CACNA2D3: variants seen among roughly 807,000 people sequenced by gnomAD.
The protein encoded by CACNA2D3 is voltage-dependent calcium channel subunit alpha-2/delta-3.
A neutral mutation model predicts 160.6 loss-of-function variants in CACNA2D3; 60 were observed. The observed-to-expected ratio is 0.37, with a 90% confidence interval of 0.30 to 0.46. The LOEUF (loss-of-function observed/expected upper bound fraction) is 0.46. CACNA2D3 is among the 20% of genes least tolerant of loss of function. CACNA2D3 has a pLI of 1.00. For synonymous variants in CACNA2D3, 558 were observed against 492.9 expected (o/e 1.13, Z -1.75); for missense variants, 1,205 against 1,365.0 (o/e 0.88, Z 1.85).
intron 34 of CACNA2D3, among the ~76,000 whole-genome samples, chr3:55,016,106 C>T (rs954866815): frequency 6.6e-6 from 1 of 152,184 alleles, no homozygotes; most frequent in African/African-American, 2.4e-5. Context: ...AATGAGCTAG[C>T]ATCTTGGGGA....
chr3:54,982,660 G>A (rs903112393), intron 29 of CACNA2D3, among the ~76,000 whole-genome samples: 1 of 151,860 alleles, frequency 6.6e-6, no homozygotes, highest in African/African-American at 2.4e-5. Context: ...GATCAAGAAT[G>A]GCTACACTGT....
At chr3:54,646,238 CCTTCCTTCCTCT>C (rs1292241256) in intron 11 of CACNA2D3, among the ~76,000 whole-genome samples, 4 of 117,872 alleles carry the variant, frequency 3.4e-5, no homozygotes, top group African/African-American at 1.4e-4. Flanking sequence ...TTCCTTCCTT[CCTTCCTTCCTCT>C]CTCTCTCTCA....
At chr3:54,968,974 G>T (rs896182595) in intron 28 of CACNA2D3, among the ~76,000 whole-genome samples, 1 of 151,864 alleles carries the variant, frequency 6.6e-6, no homozygotes, top group Non-Finnish European at 1.5e-5. Context: ...TTTTCTTTTC[G>T]CTATGCTCTC....
intron 4 of CACNA2D3, among the ~76,000 whole-genome samples, chr3:54,500,535 TCC>T (rs1701276030): frequency 2.7e-5 from 4 of 148,892 alleles, no homozygotes; most frequent in African/African-American, 9.9e-5. Flanking sequence ...CTTCCTTCCT[TCC>T]TTCCTTCCTT....
Position 55,074,088 on chromosome 3 carries a change from T to C in CACNA2D3, c.3184-26T>C, listed in dbSNP as rs1242216461. ...AGGTGTCCTGGAGTCTATTTCCGTC[T>C]AACCAACCCCTGCCTTTCCCCATAG... On this transcript the variant is annotated intron_variant, in intron 37 of 37. Coordinates refer to ENST00000474759, the MANE Select transcript of CACNA2D3 (RefSeq NM_018398.3). The C allele has an allele frequency of 3.1e-6, 5 of 1,598,042 alleles. No homozygotes were observed. The South Asian group carries it at 4.4e-5, about 14-fold the overall frequency.
At chr3:54,351,935 C>T (rs573556124) in intron 3 of CACNA2D3, among the ~76,000 whole-genome samples, 169 of 152,348 alleles carry the variant, frequency 1.1e-3, no homozygotes, top group African/African-American at 3.9e-3. Flanking sequence ...ACCTCCTCTG[C>T]AGAGTCTGAT....
chr3:54,202,315 A>T (rs1363695095), intron 2 of CACNA2D3, among the ~76,000 whole-genome samples: 2 of 152,058 alleles, frequency 1.3e-5, no homozygotes, highest in African/African-American at 4.8e-5. Flanking sequence ...AATGTGGGGC[A>T]CCTCTGTGTC....
chr3:54,536,962 G>A (rs1482539183), intron 5 of CACNA2D3, among the ~76,000 whole-genome samples: 1 of 152,134 alleles, frequency 6.6e-6, no homozygotes, highest in Non-Finnish European at 1.5e-5. Flanking sequence ...GCAGTGCCAG[G>A]CGCCAGGCAG....
At chr3:54,763,905 G>A (rs1467671378) in intron 12 of CACNA2D3, among the ~76,000 whole-genome samples, 2 of 120,296 alleles carry the variant, frequency 1.7e-5, no homozygotes, top group East Asian at 2.5e-4. Context: ...GTGGGGGGGG[G>A]GGGTGCATAT....
At chr3:54,595,168 T>G (rs1702928992) in intron 9 of CACNA2D3, among the ~76,000 whole-genome samples, 1 of 152,256 alleles carries the variant, frequency 6.6e-6, no homozygotes, top group Non-Finnish European at 1.5e-5. Context: ...CACAACTGTT[T>G]ATATGTATGA....
intron 2 of CACNA2D3, among the ~76,000 whole-genome samples, chr3:54,265,182 C>A (rs1028137144): frequency 1.6e-4 from 24 of 152,228 alleles, no homozygotes; most frequent in Admixed American, 6.5e-4. Context: ...AATGGTTGAA[C>A]TAATTTACAC....
intron 29 of CACNA2D3, among the ~76,000 whole-genome samples, chr3:54,972,103 G>C (rs553426562): frequency 6.6e-6 from 1 of 152,334 alleles, no homozygotes; most frequent in African/African-American, 2.4e-5. Context: ...CTTTGGGCAA[G>C]TGACAGTTTC....
chr3:54,800,202 A>C (rs1467488844), intron 13 of CACNA2D3, among the ~76,000 whole-genome samples: 3 of 149,070 alleles, frequency 2.0e-5, no homozygotes, highest in African/African-American at 7.4e-5. Context: ...TCCATATCAG[A>C]CCCTCCTTAA....
intron 30 of CACNA2D3, among the ~76,000 whole-genome samples, chr3:54,987,288 T>G (rs543912181): frequency 5.3e-5 from 8 of 152,304 alleles, no homozygotes; most frequent in African/African-American, 1.9e-4. Context: ...ACAATTCTTT[T>G]TATTAGTGCT....
At chr3:54,738,106 G>A (rs1396768184) in intron 11 of CACNA2D3, among the ~76,000 whole-genome samples, 1 of 152,194 alleles carries the variant, frequency 6.6e-6, no homozygotes, top group Non-Finnish European at 1.5e-5. Context: ...AGAAGATATA[G>A]AAGTCACAGA....
chr3:54,762,598 GAAGGGCTCCCTCC>G (rs1275853690), intron 12 of CACNA2D3, among the ~76,000 whole-genome samples: 1 of 152,200 alleles, frequency 6.6e-6, no homozygotes, highest in Non-Finnish European at 1.5e-5. Flanking sequence ...ATGTGTGAAT[GAAGGGCTCCCTCC>G]AAGGGATCCA....
chr3:54,956,430 C>T lies in CACNA2D3; in HGVS notation c.2450-12020C>T, dbSNP rs73067734. Among the ~76,000 whole-genome samples, 287 of 152,354 alleles carry T rather than the reference C, an allele frequency of 1.9e-3. 1 individual carries two copies. Among genetic ancestry groups the T allele is most frequent in the Non-Finnish European group, 3.6e-3 (247 of 68,034 alleles). On this transcript the variant is annotated intron_variant, in intron 27 of 37. Coordinates refer to ENST00000474759, the MANE Select transcript of CACNA2D3 (RefSeq NM_018398.3). ...GAATAATTACCAGTTTTTGTTTTAA[C>T]CTTCCTGTCTTTGTCTTTTAAAGGC... is the stretch of plus-strand genomic sequence containing the variant.
intron 2 of CACNA2D3, among the ~76,000 whole-genome samples, chr3:54,261,297 C>T (rs1415839967): frequency 6.6e-6 from 1 of 152,206 alleles, no homozygotes; most frequent in Non-Finnish European, 1.5e-5. Context: ...AGCCCGTCTT[C>T]TCTCCACATC....
At chr3:54,221,633 C>G (rs1331034486) in intron 2 of CACNA2D3, among the ~76,000 whole-genome samples, 2 of 152,116 alleles carry the variant, frequency 1.3e-5, no homozygotes, top group Non-Finnish European at 2.9e-5. Flanking sequence ...TTTTAAATTC[C>G]CATGCCAGTA....
Sources: gnomAD v4.1 joint callset for allele counts (sites outside exome capture counted in the v4.1 genomes callset) on GRCh38, gnomAD v4.1.1 for gene constraint, MANE v1.5 for transcripts, NCBI Gene and HGNC (gene_info 2026-07-23, HGNC 2026-07-21) for gene names.